FHIT: variants seen among roughly 807,000 people sequenced by gnomAD.
FHIT encodes the protein fragile histidine triad diadenosine triphosphatase, also known as bis(5'-adenosyl)-triphosphatase.
Under a neutral mutation model 17.9 loss-of-function variants are expected in FHIT, and 19 were observed. That is an observed-to-expected ratio of 1.06 (90% confidence interval 0.74 to 1.56). The LOEUF is 1.56. Ranked by LOEUF, FHIT falls within the 40% of genes most tolerant of loss-of-function variation. FHIT has a pLI of 0.00. For missense variants in FHIT, 248 were observed against 189.2 expected, an observed-to-expected ratio of 1.31 and a Z score of -1.82; for synonymous variants, 81 against 69.7, an observed-to-expected ratio of 1.16 and a Z score of -0.81.
intron 3 of FHIT, among the ~76,000 whole-genome samples, chr3:60,968,643 C>A (rs1709861020): frequency 6.6e-6 from 1 of 152,128 alleles, no homozygotes; most frequent in Non-Finnish European, 1.5e-5. Context: ...GAACTCCTGA[C>A]CTCATGATCC....
At position 60,418,402 on chromosome 3, in the gene FHIT, A is replaced by G. The variant is rs1559897247; in HGVS notation, c.103+118458T>C. On this transcript the variant is annotated intron_variant, in intron 5 of 9. Transcript: ENST00000492590. ...TATATATATATATATATATATATAT[A>G]TATATATATATATATATATATATAC... Among the ~76,000 whole-genome samples the G allele has an allele frequency of 3.4e-4, 44 of 130,498 alleles. 6 individuals carry two copies. The highest frequency in any genetic ancestry group is 2.9e-3 in the East Asian group (13 of 4,496). The allele number at this position is 130,498 out of a possible 152,430, so 85.6% of individuals were successfully genotyped here. A position where few individuals can be genotyped will look rare whatever the true frequency, so the allele number is the denominator to read the frequency against.
At chr3:60,684,314 A>G (rs1277055735) in intron 4 of FHIT, among the ~76,000 whole-genome samples, 2 of 152,130 alleles carry the variant, frequency 1.3e-5, no homozygotes, top group African/African-American at 4.8e-5. Flanking sequence ...ATTTAATCAT[A>G]TCTGCAAGGA....
intron 5 of FHIT, among the ~76,000 whole-genome samples, chr3:60,178,647 A>G (rs1701789280): frequency 6.6e-6 from 1 of 152,026 alleles, no homozygotes; most frequent in African/African-American, 2.4e-5. Flanking sequence ...CACTTCATCA[A>G]CTCTAAGATT....
intron 5 of FHIT, among the ~76,000 whole-genome samples, chr3:60,186,694 A>G (rs191482088): frequency 2.6e-5 from 4 of 152,300 alleles, no homozygotes; most frequent in Non-Finnish European, 5.9e-5. Context: ...AGTAACAAGG[A>G]AAGACAGTGT....
chr3:61,074,858 C>T (rs9811056), intron 2 of FHIT, among the ~76,000 whole-genome samples: 6,167 of 152,098 alleles, frequency 0.041, 400 homozygotes, highest in African/African-American at 0.14. Flanking sequence ...CCCCCTTTAC[C>T]CCATAACAGA....
At chr3:61,177,939 GT>G (rs951716410) in intron 2 of FHIT, among the ~76,000 whole-genome samples, 4 of 151,750 alleles carry the variant, frequency 2.6e-5, no homozygotes, top group African/African-American at 9.7e-5. Context: ...CACTTTCTGG[GT>G]TTTTTTTCCT....
chr3:60,178,236 T>G (rs964206574), intron 5 of FHIT, among the ~76,000 whole-genome samples: 21 of 152,128 alleles, frequency 1.4e-4, no homozygotes, highest in Admixed American at 5.2e-4. Flanking sequence ...ATCTTTTTAT[T>G]TCACAAATGT....
At chr3:59,835,204 C>T (rs1448517390) in intron 8 of FHIT, among the ~76,000 whole-genome samples, 1 of 152,184 alleles carries the variant, frequency 6.6e-6, no homozygotes, top group Non-Finnish European at 1.5e-5. Flanking sequence ...AGATTTTCCA[C>T]TTTCCCTCTT....
At chr3:60,807,839 T>TAAA (rs34126858) in intron 4 of FHIT, among the ~76,000 whole-genome samples, 31 of 146,766 alleles carry the variant, frequency 2.1e-4, no homozygotes, top group South Asian at 6.5e-4. Context: ...CAAATTTTAC[T>TAAA]AAAAAAAAAA....
chr3:60,933,308 A>T (rs1708050807), intron 3 of FHIT, among the ~76,000 whole-genome samples: 1 of 152,242 alleles, frequency 6.6e-6, no homozygotes, highest in Admixed American at 6.5e-5. Context: ...GTTACGTTTT[A>T]AAAAGTTAAA....
At chr3:60,605,435 C>T (rs1430059103) in intron 4 of FHIT, among the ~76,000 whole-genome samples, 2 of 152,164 alleles carry the variant, frequency 1.3e-5, no homozygotes, top group Admixed American at 6.5e-5. Context: ...ATATTCACTC[C>T]GCTTAGGACA....
intron 4 of FHIT, among the ~76,000 whole-genome samples, chr3:60,721,670 T>C (rs1221613876): frequency 1.3e-5 from 2 of 152,174 alleles, no homozygotes; most frequent in Non-Finnish European, 2.9e-5. Context: ...TTCTTGGCTT[T>C]TAAAATCATA....
intron 5 of FHIT, among the ~76,000 whole-genome samples, chr3:60,452,527 G>C (rs1437616117): frequency 6.6e-6 from 1 of 152,122 alleles, no homozygotes; most frequent in African/African-American, 2.4e-5. Context: ...ACCAAATAAA[G>C]ATATTTAAAT....
intron 4 of FHIT, among the ~76,000 whole-genome samples, chr3:60,767,911 A>G (rs541202563): frequency 5.9e-5 from 9 of 152,212 alleles, no homozygotes; most frequent in Non-Finnish European, 1.0e-4. Flanking sequence ...GTCTGTATCA[A>G]ATGAAAGTAG....
chr3:60,385,899 A>G (rs763762584), intron 5 of FHIT, among the ~76,000 whole-genome samples: 3 of 152,118 alleles, frequency 2.0e-5, no homozygotes, highest in African/African-American at 4.8e-5. Flanking sequence ...TTAGAGTATT[A>G]CTCTAAGAGA....
At chr3:60,647,888 C>A (rs1315906482) in intron 4 of FHIT, among the ~76,000 whole-genome samples, 1 of 152,122 alleles carries the variant, frequency 6.6e-6, no homozygotes, top group East Asian at 1.9e-4. Flanking sequence ...AATTTATATA[C>A]CTGGTGGCTT....
intron 4 of FHIT, among the ~76,000 whole-genome samples, chr3:60,554,907 A>C (rs2036692504): frequency 6.6e-6 from 1 of 152,208 alleles, no homozygotes; most frequent in African/African-American, 2.4e-5. Context: ...TATAAGGCTA[A>C]TTACAGTGTC....
chr3:60,642,853 T>C (rs1188846569), intron 4 of FHIT, among the ~76,000 whole-genome samples: 2 of 152,176 alleles, frequency 1.3e-5, no homozygotes, highest in Non-Finnish European at 2.9e-5. Flanking sequence ...CTTCCTTCAC[T>C]TGTTAACTCC....
rs78247541 is a variant in FHIT at position 61,025,619 on chromosome 3, A to G, written c.-111+16428T>C. ...TAGATCAAATACGGAATTATCCAAT[A>G]AATAAATATTGAGTTTACAAACCAT... is the stretch of plus-strand genomic sequence containing the variant. On this transcript the variant is annotated intron_variant, in intron 3 of 9. Coordinates refer to ENST00000492590, the MANE Select transcript of FHIT (RefSeq NM_002012.4). Among the ~76,000 whole-genome samples, 364 of 152,348 alleles carry G rather than the reference A, an allele frequency of 2.4e-3. 3 individuals are homozygous for G. Among genetic ancestry groups the G allele is most frequent in the African/African-American group, 8.1e-3 (335 of 41,590 alleles).
Sources: gnomAD v4.1 joint callset for allele counts (sites outside exome capture counted in the v4.1 genomes callset) on GRCh38, gnomAD v4.1.1 for gene constraint, MANE v1.5 for transcripts, NCBI Gene and HGNC (gene_info 2026-07-23, HGNC 2026-07-21) for gene names.